Variants in C12orf76 observed in about 807,000 individuals in gnomAD.
C12orf76 encodes the protein uncharacterized protein C12orf76.
In C12orf76, 6 loss-of-function variants were observed where a neutral mutation model predicts 6.8. That is an observed-to-expected ratio of 0.88 (90% CI 0.48 to 1.73). C12orf76 has a LOEUF of 1.73. C12orf76 is among the 40% of genes most tolerant of loss of function. C12orf76 has a pLI of 0.01. For missense variants in C12orf76, 99 were observed against 98.2 expected, an observed-to-expected ratio of 1.01 and a Z score of -0.03; for synonymous variants, 56 against 43.7, an observed-to-expected ratio of 1.28 and a Z score of -1.11.
chr12:110,064,628 G>T (rs1377202075), intron 2 of C12orf76, among the ~76,000 whole-genome samples: 3 of 152,114 alleles, frequency 2.0e-5, no homozygotes, highest in African/African-American at 7.2e-5. Context: ...GGGTTTGGGG[G>T]GACAGCTCTC....
upstream of C12orf76, chr12:110,050,910 C>G (rs1244845757): frequency 5.7e-5 from 37 of 651,406 alleles, no homozygotes; most frequent in Admixed American, 4.4e-5. Context: ...TTTCTGGCAA[C>G]CACAGAAGGG....
chr12:110,052,461 G>C (rs990774421), upstream of C12orf76, among the ~76,000 whole-genome samples: 1 of 152,104 alleles, frequency 6.6e-6, no homozygotes, highest in African/African-American at 2.4e-5. Context: ...CTCCCAAAAT[G>C]TTGTGGTTAC....
intron 2 of C12orf76, among the ~76,000 whole-genome samples, chr12:110,064,657 C>T (rs1354888438): frequency 1.3e-5 from 2 of 152,158 alleles, no homozygotes; most frequent in East Asian, 3.8e-4. Flanking sequence ...CTCAGTGCCC[C>T]CCAGATGCAG....
At chr12:110,068,325 G>GAAA (rs1892916666), upstream of C12orf76, among the ~76,000 whole-genome samples, 1 of 134,162 alleles carries the variant, frequency 7.5e-6, no homozygotes, top group Non-Finnish European at 1.7e-5. Context: ...AGAAGAAGAA[G>GAAA]AAGAAGGCGG....
chr12:110,044,971 C>T (rs1892411529), intron 1 of C12orf76, among the ~76,000 whole-genome samples: 1 of 151,570 alleles, frequency 6.6e-6, no homozygotes, highest in Admixed American at 6.6e-5. Context: ...GAAACTCCGT[C>T]TCAAAATAAA....
At chr12:110,057,361 C>T in intron 3 of C12orf76, 2 of 1,061,386 alleles carry the variant, frequency 1.9e-6, no homozygotes, top group South Asian at 2.6e-5. Context: ...CCCTCATATC[C>T]CTTACCTCAT....
At chr12:110,069,825 A>G (rs747118375), upstream of C12orf76, among the ~76,000 whole-genome samples, 3 of 152,236 alleles carry the variant, frequency 2.0e-5, no homozygotes, top group Non-Finnish European at 4.4e-5. Context: ...CCATGTCCCC[A>G]TGGAACATGT....
intron 3 of C12orf76, chr12:110,058,882 TTCTAAG>T (rs1202325336): frequency 2.7e-5 from 35 of 1,314,738 alleles, no homozygotes; most frequent in African/African-American, 3.0e-5. Context: ...CCAACCACTC[TTCTAAG>T]TCTATTTTGC....
At chr12:110,058,920 AT>A in intron 3 of C12orf76, 1 of 1,462,348 alleles carries the variant, frequency 6.8e-7, no homozygotes, top group Non-Finnish European at 9.1e-7. Context: ...AACTTTTGCA[AT>A]TCTTACTCCC....
In C12orf76 at chr12:110,059,951, G is replaced by C. The variant is rs189487156; in HGVS notation, n.381-788C>G. ...TCCCAGAGCAGAACAAGCTTTCCTT[G>C]TGGTTACTGCTGGTGATGGTGAGGA... On this transcript the variant is annotated intron_variant and non_coding_transcript_variant, in intron 2 of 4. Transcript: ENST00000309050. Among the ~76,000 whole-genome samples, 796 of 152,314 alleles carry C rather than the reference G, an allele frequency of 5.2e-3. 4 individuals are homozygous for C. Among genetic ancestry groups the C allele is most frequent in the Admixed American group, 8.7e-3 (133 of 15,302 alleles).
At chr12:110,045,383 C>T (rs1284438596) in intron 1 of C12orf76, among the ~76,000 whole-genome samples, 1 of 151,434 alleles carries the variant, frequency 6.6e-6, no homozygotes, top group African/African-American at 2.4e-5. Flanking sequence ...ATCAGGAGAT[C>T]GAGACCACTC....
chr12:110,047,735 G>C (rs1368994535), intron 1 of C12orf76, among the ~76,000 whole-genome samples: 1 of 152,184 alleles, frequency 6.6e-6, no homozygotes, highest in African/African-American at 2.4e-5. Flanking sequence ...GTTATTGTAA[G>C]GCTCAAATGA....
upstream of C12orf76, among the ~76,000 whole-genome samples, chr12:110,052,936 C>T (rs910665713): frequency 1.6e-4 from 25 of 152,372 alleles, no homozygotes; most frequent in Admixed American, 1.2e-3. Flanking sequence ...GGCGCAGTGG[C>T]TCACGCCTGT....
chr12:110,073,308 G>A (rs764262815), intron 1 of C12orf76: 30 of 449,234 alleles, frequency 6.7e-5, no homozygotes, highest in South Asian at 3.7e-4. Flanking sequence ...GTGAAAGCAC[G>A]TCCAAATTTG....
At chr12:110,063,018 C>T (rs540548264) in intron 2 of C12orf76, among the ~76,000 whole-genome samples, 67 of 151,758 alleles carry the variant, frequency 4.4e-4, no homozygotes, top group African/African-American at 1.6e-3. Context: ...CAGCTCACTG[C>T]AACCTCCGCC....
At chr12:110,058,709 G>A (rs570963692) in intron 3 of C12orf76, among the ~76,000 whole-genome samples, 5 of 152,138 alleles carry the variant, frequency 3.3e-5, no homozygotes, top group Non-Finnish European at 7.4e-5. Context: ...CCATTTTGTA[G>A]GCCATAGCTA....
chr12:110,050,489 T>G (rs1892556780), upstream of C12orf76: 1 of 159,848 alleles, frequency 6.3e-6, no homozygotes, highest in Non-Finnish European at 1.4e-5. Flanking sequence ...ATACAGGTCA[T>G]AAAGACCTTG....
At chr12:110,062,232 C>G (rs901342013) in intron 2 of C12orf76, among the ~76,000 whole-genome samples, 1 of 152,148 alleles carries the variant, frequency 6.6e-6, no homozygotes, top group African/African-American at 2.4e-5. Flanking sequence ...CCACTCCACT[C>G]CAGCCTGAGT....
chr12:110,057,042 T>G, intron 4 of C12orf76: 1 of 623,156 alleles, frequency 1.6e-6, no homozygotes, highest in East Asian at 2.8e-5. Flanking sequence ...GGCAGGGAAA[T>G]AAGGATGGAG....
Sources: gnomAD v4.1 joint callset for allele counts (sites outside exome capture counted in the v4.1 genomes callset) on GRCh38, gnomAD v4.1.1 for gene constraint, MANE v1.5 for transcripts, NCBI Gene and HGNC (gene_info 2026-07-23, HGNC 2026-07-21) for gene names.